SNX13: variants seen among roughly 807,000 people sequenced by gnomAD.
The protein encoded by SNX13 is sorting nexin-13.
SNX13 carries 45 observed loss-of-function variants against 133.6 expected under a neutral mutation model. The observed-to-expected ratio is 0.34, with a 90% CI of 0.27 to 0.43. The LOEUF is 0.43. SNX13 is among the 20% of genes least tolerant of loss of function. SNX13 has a pLI of 1.00. For synonymous variants in SNX13, 414 were observed against 373.9 expected (o/e 1.11, Z -1.24); for missense variants, 1,032 against 1,145.1 (o/e 0.90, Z 1.43).
chr7:17,931,819 T>A (rs1180435921), intron 1 of SNX13, among the ~76,000 whole-genome samples: 1 of 152,212 alleles, frequency 6.6e-6, no homozygotes, highest in Non-Finnish European at 1.5e-5. Flanking sequence ...ACTTGAACAG[T>A]GGAACAGAGC....
intron 15 of SNX13, chr7:17,832,221 T>C (rs1251217599): frequency 1.0e-6 from 1 of 984,438 alleles, no homozygotes; most frequent in Non-Finnish European, 1.2e-6. Context: ...AAGTACAGTG[T>C]ATGATTTTAG....
intron 15 of SNX13, chr7:17,831,213 C>G: frequency 1.0e-6 from 1 of 984,104 alleles, no homozygotes; most frequent in Non-Finnish European, 1.2e-6. Context: ...TAAAATCAAT[C>G]TTGGTCGACA....
rs1444803177 is a variant in SNX13, at chr7:17,799,093, T to C, written c.2360A>G (p.Lys787Arg). Residue 787 changes from lysine to arginine, a missense_variant, in exon 23 of 26, where the codon AAA (lysine) becomes AGA (arginine). By Grantham distance (26) the Lys-to-Arg change is conservative. Transcript: ENST00000428135. ...CCTTCGCAACCACTGATTTCTTTCTTTTAAGTCGAATACTTCATCCATGAG... is the reference window on the plus strand; with the variant it reads ...CCTTCGCAACCACTGATTTCTTTCTCTTAAGTCGAATACTTCATCCATGAG... ...LLLMDEVFDL[K>R]ERNQWLRRNI... 6.2e-7 allele frequency: 1 copy of C among 1,610,960 alleles called. No homozygotes were observed. Among genetic ancestry groups the C allele is most frequent in the Non-Finnish European group, 8.5e-7 (1 of 1,178,044 alleles).
chr7:17,852,672 T>C (rs1036565199), intron 9 of SNX13, among the ~76,000 whole-genome samples: 4 of 152,204 alleles, frequency 2.6e-5, no homozygotes, highest in African/African-American at 4.8e-5. Context: ...ACTTCTTTCA[T>C]CTTCTTTTTA....
chr7:17,842,874 T>G (rs1239597366), intron 12 of SNX13, among the ~76,000 whole-genome samples: 1 of 152,040 alleles, frequency 6.6e-6, no homozygotes, highest in Non-Finnish European at 1.5e-5. Context: ...CAAATTACAG[T>G]GTTATAAATT....
In SNX13 at chr7:17,791,824, C is replaced by A. The variant is rs1783572799; in HGVS notation, c.*2221G>T. ...ATCTCTAATTTTAGCATGACCACAG[C>A]TCTTTCTGATGTAAAAGACAGATGT... On this transcript the variant is annotated 3_prime_UTR_variant, in exon 26 of 26. Transcript: ENST00000428135. 1 of 152,084 alleles carries A rather than the reference C, an allele frequency of 6.6e-6. No homozygotes were observed. The allele number at this position is 152,084 out of a possible 1,614,324, so 9.4% of individuals were successfully genotyped here.
chr7:17,917,961 GACAC>G (rs1799739288), intron 1 of SNX13, among the ~76,000 whole-genome samples: 2 of 152,070 alleles, frequency 1.3e-5, no homozygotes, highest in South Asian at 4.1e-4. Context: ...TATGAAAACA[GACAC>G]ACAGACCAGA....
At chr7:17,907,595 G>C (rs1469318383) in intron 1 of SNX13, among the ~76,000 whole-genome samples, 1 of 152,052 alleles carries the variant, frequency 6.6e-6, no homozygotes, top group Non-Finnish European at 1.5e-5. Context: ...GCAATAACTG[G>C]ATAAAACTGA....
intron 1 of SNX13, among the ~76,000 whole-genome samples, chr7:17,915,661 C>T (rs1002064302): frequency 6.6e-6 from 1 of 152,080 alleles, no homozygotes; most frequent in East Asian, 1.9e-4. Flanking sequence ...TTCAGCTAAC[C>T]TACAACTACC....
intron 4 of SNX13, among the ~76,000 whole-genome samples, chr7:17,891,148 C>T (rs1282041213): frequency 6.6e-6 from 1 of 151,728 alleles, no homozygotes; most frequent in East Asian, 1.9e-4. Flanking sequence ...AGTTTTTTTA[C>T]CTATCTCTAA....
chr7:17,798,029 T>G (rs994930271), intron 24 of SNX13, among the ~76,000 whole-genome samples: 2 of 151,884 alleles, frequency 1.3e-5, no homozygotes, highest in African/African-American at 4.8e-5. Flanking sequence ...TACTGATAGT[T>G]CCCTTCTTGC....
In SNX13 at chr7:17,868,438, G is replaced by A. The variant is rs1793663799; in HGVS notation, c.806C>T (p.Pro269Leu). 1 of 1,609,270 alleles carries A rather than the reference G, an allele frequency of 6.2e-7. No individual in the cohort carries two copies. The highest frequency in any genetic ancestry group is 8.5e-7 in the Non-Finnish European group (1 of 1,177,732). ...TATGACATACTGATTAATATAATCAGGATCACTGAGTTGATTTATTAATGG... is the reference window on the plus strand; with the variant it reads ...TATGACATACTGATTAATATAATCAAGATCACTGAGTTGATTTATTAATGG... ...LLPLINQLSDPDYINQYVIWM... is the reference protein window; with the variant it reads ...LLPLINQLSDLDYINQYVIWM... Residue 269 changes from proline to leucine, a missense_variant, in exon 9 of 26, where the codon CCT (proline) becomes CTT (leucine). Pro to Leu is a moderately conservative substitution (Grantham distance 98). Transcript: ENST00000428135.
intron 1 of SNX13, among the ~76,000 whole-genome samples, chr7:17,930,910 T>C (rs1562542252): frequency 6.6e-6 from 1 of 152,246 alleles, no homozygotes; most frequent in South Asian, 2.1e-4. Context: ...GCATATTCCT[T>C]ATGAGACTCT....
chr7:17,887,361 A>G (rs1467930075), intron 5 of SNX13, among the ~76,000 whole-genome samples: 2 of 152,236 alleles, frequency 1.3e-5, no homozygotes, highest in East Asian at 3.8e-4. Flanking sequence ...GAATAAAAAT[A>G]CATGGGTTAT....
rs1337312730 is a variant in SNX13 at position 17,907,870 on chromosome 7, A to G, written c.13-10424T>C. ...CAGGGTTCTGTTTTTACCTTCTTATAGTCTTACTAGATATGCAATCCTTGA... is the reference window on the plus strand; with the variant it reads ...CAGGGTTCTGTTTTTACCTTCTTATGGTCTTACTAGATATGCAATCCTTGA... On this transcript the variant is annotated intron_variant, in intron 1 of 25. Transcript: ENST00000428135. Among the ~76,000 whole-genome samples the G allele has an allele frequency of 7.2e-5, 11 of 152,314 alleles. No homozygotes were observed. The East Asian group carries it at 2.1e-3, about 29-fold the overall frequency.
At chr7:17,914,879 T>C (rs1007989032) in intron 1 of SNX13, among the ~76,000 whole-genome samples, 1 of 152,186 alleles carries the variant, frequency 6.6e-6, no homozygotes, top group Non-Finnish European at 1.5e-5. Flanking sequence ...ATATCAGTAT[T>C]ACCCTTGAAT....
At chr7:17,807,242 G>C (rs1785410001) in intron 20 of SNX13, among the ~76,000 whole-genome samples, 1 of 152,142 alleles carries the variant, frequency 6.6e-6, no homozygotes, top group Non-Finnish European at 1.5e-5. Context: ...GCAGTATGAA[G>C]TCCACCTGGG....
chr7:17,811,403 A>T (rs939859568), intron 20 of SNX13, among the ~76,000 whole-genome samples: 4 of 152,202 alleles, frequency 2.6e-5, no homozygotes, highest in Admixed American at 6.5e-5. Context: ...CACAATTGCT[A>T]CAAAGAGAAT....
At chr7:17,877,274 G>A (rs546129361) in intron 5 of SNX13, among the ~76,000 whole-genome samples, 1 of 151,946 alleles carries the variant, frequency 6.6e-6, no homozygotes, top group African/African-American at 2.4e-5. Context: ...GAATATAAGA[G>A]CCATGCATAT....
Sources: allele counts gnomAD v4.1 joint callset (sites outside exome capture counted in the v4.1 genomes callset), GRCh38; gene constraint gnomAD v4.1.1; transcripts MANE v1.5; gene names NCBI Gene and HGNC (gene_info 2026-07-23, HGNC 2026-07-21).